The following EYA2 variants were observed in gnomAD, a reference collection of about 807,000 sequenced individuals.
EYA2 encodes the protein EYA transcriptional coactivator and phosphatase 2, also known as protein phosphatase EYA2.
A neutral mutation model predicts 69.2 loss-of-function variants in EYA2; 31 were observed. The ratio of observed to expected loss-of-function variants is 0.45; its 90% CI spans 0.34 to 0.60. The LOEUF is 0.60. Among genes scored for constraint, EYA2 ranks in the 20% least tolerant of loss-of-function variants. EYA2 has a pLI of 0.02. For missense variants in EYA2, 622 were observed against 701.2 expected (o/e 0.89, Z 1.28); for synonymous variants, 257 against 279.4 (o/e 0.92, Z 0.80).
chr20:47,138,617 G>T (rs995920895), intron 9 of EYA2, among the ~76,000 whole-genome samples: 1 of 151,974 alleles, frequency 6.6e-6, no homozygotes, highest in Non-Finnish European at 1.5e-5. Flanking sequence ...TTAGCCAGGC[G>T]TGGTGGTGCA....
intron 6 of EYA2, 99 bp downstream of exon 6, chr20:47,072,351 T>C (rs1450906404): frequency 6.8e-6 from 8 of 1,173,700 alleles, no homozygotes; most frequent in Non-Finnish European, 9.9e-6. Context: ...ACAATCCCCA[T>C]TGGGAACCTG....
intron 10 of EYA2, among the ~76,000 whole-genome samples, chr20:47,159,104 A>G (rs1353948168): frequency 1.3e-5 from 2 of 152,020 alleles, no homozygotes; most frequent in African/African-American, 4.8e-5. Context: ...TAGATACTAC[A>G]CCCATAGTGT....
At chr20:47,044,051 G>A (rs2029906675) in intron 5 of EYA2, among the ~76,000 whole-genome samples, 1 of 152,150 alleles carries the variant, frequency 6.6e-6, no homozygotes, top group Non-Finnish European at 1.5e-5. Flanking sequence ...TGTTCATAGG[G>A]CATGCTGGTA....
At chr20:47,076,137 T>C (rs2031504276) in intron 7 of EYA2, among the ~76,000 whole-genome samples, 1 of 152,256 alleles carries the variant, frequency 6.6e-6, no homozygotes, top group Non-Finnish European at 1.5e-5. Context: ...GTCTTTGCTA[T>C]TGTGAATAGT....
intron 1 of EYA2, among the ~76,000 whole-genome samples, chr20:46,940,773 C>T (rs1466177139): frequency 2.0e-5 from 3 of 152,206 alleles, no homozygotes; most frequent in Non-Finnish European, 1.5e-5. Flanking sequence ...GGGGCTATGG[C>T]CAGCTGTCTC....
intron 1 of EYA2, among the ~76,000 whole-genome samples, chr20:46,899,397 C>T (rs920586998): frequency 1.3e-5 from 2 of 152,200 alleles, no homozygotes; most frequent in African/African-American, 2.4e-5. Flanking sequence ...CCTCTGTGAG[C>T]CATGACCCTT....
chr20:46,993,634 C>T (rs1981830725), intron 2 of EYA2, among the ~76,000 whole-genome samples: 1 of 152,230 alleles, frequency 6.6e-6, no homozygotes, highest in Non-Finnish European at 1.5e-5. Flanking sequence ...ACCCTATCCT[C>T]ATGGAGCCCA....
At chr20:47,079,936 A>G (rs6066190) in intron 7 of EYA2, among the ~76,000 whole-genome samples, 35,547 of 152,214 alleles carry the variant, frequency 0.23, 4,396 homozygotes, top group Middle Eastern at 0.31. Flanking sequence ...GTTAATAGTC[A>G]TTTTCTCTGG....
intron 15 of EYA2, among the ~76,000 whole-genome samples, chr20:47,186,737 A>G (rs1316818267): frequency 5.9e-5 from 9 of 152,138 alleles, no homozygotes; most frequent in African/African-American, 1.9e-4. Flanking sequence ...ACTTCTACCA[A>G]AAAAGAGGCT....
At chr20:46,948,990 G>T (rs1978639745) in intron 1 of EYA2, among the ~76,000 whole-genome samples, 1 of 152,216 alleles carries the variant, frequency 6.6e-6, no homozygotes. Flanking sequence ...TGCAGGAGGT[G>T]GGTGCTAATG....
At chr20:46,978,568 T>C in intron 1 of EYA2, 1 of 534,782 alleles carries the variant, frequency 1.9e-6, no homozygotes, top group South Asian at 1.4e-5. Flanking sequence ...AGATCAAGGC[T>C]GTGTTCGGAA....
chr20:47,034,447 GT>G (rs1408735818), intron 5 of EYA2, among the ~76,000 whole-genome samples: 1 of 152,222 alleles, frequency 6.6e-6, no homozygotes, highest in East Asian at 1.9e-4. Context: ...GATGAGTAGA[GT>G]CTGGATGCAG....
intron 5 of EYA2, among the ~76,000 whole-genome samples, chr20:47,046,028 A>G (rs2030018150): frequency 6.6e-6 from 1 of 152,196 alleles, no homozygotes; most frequent in South Asian, 2.1e-4. Context: ...TGGGTAGCTT[A>G]TAAACAACAG....
intron 1 of EYA2, among the ~76,000 whole-genome samples, chr20:46,985,597 C>G (rs976013911): frequency 4.6e-5 from 7 of 152,070 alleles, no homozygotes; most frequent in Non-Finnish European, 1.0e-4. Context: ...CTCTCAAATG[C>G]AAATGCCTAT....
At chr20:47,148,273 G>A (rs940765798) in intron 10 of EYA2, among the ~76,000 whole-genome samples, 1 of 151,996 alleles carries the variant, frequency 6.6e-6, no homozygotes, top group African/African-American at 2.4e-5. Context: ...TTAAATGGGT[G>A]GAAGAAAAGC....
At chr20:47,032,990 G>A (rs974236446) in intron 5 of EYA2, among the ~76,000 whole-genome samples, 6 of 152,068 alleles carry the variant, frequency 3.9e-5, no homozygotes, top group African/African-American at 1.2e-4. Flanking sequence ...TCCAATTCCC[G>A]CAGCAGGCCT....
intron 5 of EYA2, among the ~76,000 whole-genome samples, chr20:47,038,187 G>A (rs1022423984): frequency 2.0e-5 from 3 of 152,122 alleles, no homozygotes; most frequent in African/African-American, 7.2e-5. Context: ...TTAGGTAGGG[G>A]TGGGGCGGTC....
intron 5 of EYA2, among the ~76,000 whole-genome samples, chr20:47,027,350 A>G (rs1459244567): frequency 6.6e-6 from 1 of 152,168 alleles, no homozygotes; most frequent in Non-Finnish European, 1.5e-5. Context: ...GGGTTGTTGG[A>G]CTGAGGCCGA....
intron 14 of EYA2, among the ~76,000 whole-genome samples, chr20:47,182,159 G>T (rs1254368837): frequency 6.6e-6 from 1 of 151,922 alleles, no homozygotes; most frequent in African/African-American, 2.4e-5. Context: ...AAGACTACAG[G>T]CGTGCACCAC....
Sources: gnomAD v4.1 joint callset for allele counts (sites outside exome capture counted in the v4.1 genomes callset) on GRCh38, gnomAD v4.1.1 for gene constraint, MANE v1.5 for transcripts, NCBI Gene and HGNC (gene_info 2026-07-23, HGNC 2026-07-21) for gene names.